PTPRE: variants seen among roughly 807,000 people sequenced by gnomAD.
PTPRE encodes receptor-type tyrosine-protein phosphatase epsilon.
A neutral mutation model predicts 102.0 loss-of-function variants in PTPRE; 51 were observed. That is an observed-to-expected ratio of 0.50 (90% confidence interval 0.40 to 0.63). The LOEUF (loss-of-function observed/expected upper bound fraction) is 0.63. Among genes scored for constraint, PTPRE ranks in the 30% least tolerant of loss-of-function variants. The pLI, the probability that PTPRE is intolerant of heterozygous loss-of-function variation, is 0.00. For synonymous variants in PTPRE, 345 were observed against 348.2 expected (o/e 0.99, Z 0.10); for missense variants, 752 against 915.1 (o/e 0.82, Z 2.30).
chr10:128,066,028 C>T, intron 10 of PTPRE, 47 bp from the exon 11 acceptor site: 2 of 1,613,964 alleles, frequency 1.2e-6, no homozygotes, highest in Non-Finnish European at 1.7e-6. Flanking sequence ...TGTCATGATG[C>T]ATTGCACCCA....
intron 3 of PTPRE, among the ~76,000 whole-genome samples, chr10:128,045,331 G>T (rs908033262): frequency 2.0e-5 from 3 of 152,240 alleles, no homozygotes; most frequent in African/African-American, 7.2e-5. Flanking sequence ...CGGAGGGCTG[G>T]TGGGGCCCAG....
chr10:127,908,983 C>T (rs1212482291), intron 1 of PTPRE, among the ~76,000 whole-genome samples: 1 of 152,228 alleles, frequency 6.6e-6, no homozygotes, highest in Non-Finnish European at 1.5e-5. Flanking sequence ...GTGTTATTGT[C>T]TTTACGTGTG....
intron 12 of PTPRE, chr10:128,069,461 G>A: frequency 3.6e-6 from 2 of 559,778 alleles, no homozygotes; most frequent in South Asian, 4.7e-5. Flanking sequence ...TACTGCACCA[G>A]CTGTTAATGT....
At chr10:128,014,947 C>T (rs1845302645) in intron 2 of PTPRE, among the ~76,000 whole-genome samples, 1 of 152,122 alleles carries the variant, frequency 6.6e-6, no homozygotes. Context: ...CAGGGACCAG[C>T]CCAGAGGGTC....
intron 1 of PTPRE, among the ~76,000 whole-genome samples, chr10:127,918,809 A>G (rs1846396380): frequency 1.3e-5 from 2 of 152,176 alleles, no homozygotes; most frequent in South Asian, 4.1e-4. Context: ...ACGGCTGTTG[A>G]GCGTGGATGT....
rs562915176 is a variant in PTPRE, at chr10:128,070,923, T to C, written c.1387+22T>C. 3 of 1,602,946 alleles carry C rather than the reference T, an allele frequency of 1.9e-6. No homozygotes were observed. The East Asian group carries it at 6.7e-5, about 36-fold the overall frequency. ...CCGTGTAAGGCACCCGTGGCGTGGC[T>C]TGGGCAGGGCTGGGGCGGGGCTGGT... On this transcript the variant is annotated intron_variant, in intron 15 of 20. Coordinates refer to ENST00000254667, the MANE Select transcript of PTPRE (RefSeq NM_006504.6). This position sits in a 1 kb window ranked among gnomAD's most constrained non-coding sequence, Gnocchi z 4.8.
chr10:128,060,320 A>G (rs1047833113), intron 7 of PTPRE, among the ~76,000 whole-genome samples: 79 of 152,240 alleles, frequency 5.2e-4, no homozygotes, highest in African/African-American at 1.8e-3. Flanking sequence ...CTCCACGGTC[A>G]GCCTTCTACC....
chr10:128,072,413 G>C, intron 16 of PTPRE, 199 bp downstream of exon 16: 1 of 500,608 alleles, frequency 2.0e-6, no homozygotes, highest in Non-Finnish European at 3.5e-6. Context: ...AACACTTTGG[G>C]AAGCTAAGGC....
At chr10:128,069,554 A>C in intron 12 of PTPRE, 138 bp from the exon 13 acceptor site, 1 of 1,177,188 alleles carries the variant, frequency 8.5e-7, no homozygotes, top group Non-Finnish European at 1.2e-6. Context: ...TGGTGGCTGC[A>C]CTGTAGCTTT....
rs1159442315 is a variant in PTPRE, at chr10:128,084,123, A to G, written c.*1217A>G. 6.9e-6 allele frequency: 1 copy of G among 144,752 alleles called. No homozygotes were observed. Among genetic ancestry groups the G allele is most frequent in the Non-Finnish European group, 1.5e-5 (1 of 66,936 alleles). 9.0% of individuals were successfully genotyped at this position (144,752 alleles called of 1,614,324 possible). A position where few individuals can be genotyped will look rare whatever the true frequency, so the allele number is the denominator to read the frequency against. Reference sequence around the variant, plus strand: ...ATAACAGTAATGATCCCATTACCAGATAAGATTGACTGACGGGGAAAAAAA... The same window carrying G: ...ATAACAGTAATGATCCCATTACCAGGTAAGATTGACTGACGGGGAAAAAAA... On this transcript the variant is annotated 3_prime_UTR_variant, in exon 21 of 21. Transcript: ENST00000254667.
In PTPRE at chr10:127,923,778, A is replaced by G. The variant is rs1846799021; in HGVS notation, c.-31+16469A>G. Among the ~76,000 whole-genome samples, 3 of 152,058 alleles carry G rather than the reference A, an allele frequency of 2.0e-5. No individual in the cohort carries two copies. The South Asian group carries it at 6.2e-4, about 32-fold the overall frequency. ...AATCTTCCTTTAACACAGGATTCAA[A>G]CCACATGCAGTTTACTTCCGGGTAT... On this transcript the variant is annotated intron_variant, in intron 1 of 20. Transcript: ENST00000254667.
intron 1 of PTPRE, among the ~76,000 whole-genome samples, chr10:127,980,338 CT>C (rs11336623): frequency 0.12 from 16,594 of 143,822 alleles, 2,072 homozygotes; most frequent in African/African-American, 0.33. Flanking sequence ...TATACAAATC[CT>C]TTTTTTTTTT....
chr10:127,988,551 C>T (rs569214058), intron 2 of PTPRE, among the ~76,000 whole-genome samples: 2 of 152,260 alleles, frequency 1.3e-5, no homozygotes, highest in South Asian at 4.1e-4. Flanking sequence ...GTGATCCGCC[C>T]ACCTTGGTCT....
At chr10:127,990,780 G>T (rs1244019774) in intron 2 of PTPRE, among the ~76,000 whole-genome samples, 1 of 152,118 alleles carries the variant, frequency 6.6e-6, no homozygotes, top group Non-Finnish European at 1.5e-5. Flanking sequence ...ATTTGTTTTT[G>T]CTCTCTCACT....
intron 3 of PTPRE, among the ~76,000 whole-genome samples, chr10:128,043,461 C>T (rs1374076774): frequency 6.6e-6 from 1 of 152,232 alleles, no homozygotes; most frequent in African/African-American, 2.4e-5. Flanking sequence ...GCGATAATGC[C>T]TGCTCACCTG....
At chr10:128,039,206 G>A (rs750561071) in intron 2 of PTPRE, among the ~76,000 whole-genome samples, 1 of 152,156 alleles carries the variant, frequency 6.6e-6, no homozygotes, top group Non-Finnish European at 1.5e-5. Flanking sequence ...GCCTCTGTGG[G>A]CAGAGCTGCC....
At chr10:128,024,850 G>T (rs1206802302) in intron 2 of PTPRE, among the ~76,000 whole-genome samples, 1 of 152,072 alleles carries the variant, frequency 6.6e-6, no homozygotes, top group African/African-American at 2.4e-5. Flanking sequence ...TGCACTTGGG[G>T]CTTCTGCAGT....
At chr10:128,005,888 T>C (rs542762150) in intron 2 of PTPRE, among the ~76,000 whole-genome samples, 24 of 152,276 alleles carry the variant, frequency 1.6e-4, no homozygotes, top group African/African-American at 5.8e-4. Flanking sequence ...CCAGAGTCCA[T>C]TGGGTCCCGC....
At chr10:128,065,690 G>T (rs563306327) in intron 10 of PTPRE, among the ~76,000 whole-genome samples, 1 of 152,306 alleles carries the variant, frequency 6.6e-6, no homozygotes, top group East Asian at 1.9e-4. Context: ...GGAAATGTCT[G>T]GGGGGAGCAC....
Sources: allele counts gnomAD v4.1 joint callset (sites outside exome capture counted in the v4.1 genomes callset), GRCh38; gene constraint gnomAD v4.1.1; non-coding constraint Gnocchi (gnomAD v3.1); transcripts MANE v1.5; gene names NCBI Gene and HGNC (gene_info 2026-07-23, HGNC 2026-07-21).